ATP11B: variants seen among roughly 807,000 people sequenced by gnomAD.
ATP11B encodes the protein ATPase phospholipid transporting 11B (putative), also known as phospholipid-transporting ATPase IF.
A neutral mutation model predicts 157.8 loss-of-function variants in ATP11B; 81 were observed. The ratio of observed to expected loss-of-function variants is 0.51; its 90% CI spans 0.43 to 0.62. The LOEUF is 0.62. Ranked by LOEUF, ATP11B falls within the 20% of genes least tolerant of loss-of-function variation. The pLI is 0.00. For missense variants in ATP11B, 1,165 were observed against 1,402.2 expected, an observed-to-expected ratio of 0.83 and a Z score of 2.70; for synonymous variants, 451 against 469.4, an observed-to-expected ratio of 0.96 and a Z score of 0.51.
intron 21 of ATP11B, among the ~76,000 whole-genome samples, chr3:182,881,876 T>C (rs1722451237): frequency 6.6e-6 from 1 of 152,330 alleles, no homozygotes; most frequent in South Asian, 2.1e-4. Flanking sequence ...CAGGAAATTG[T>C]ACTAAACTGC....
Position 182,793,697 on chromosome 3 carries a change from G to C in ATP11B, c.-63G>C, listed in dbSNP as rs942984211. The C allele has an allele frequency of 2.0e-5, 24 of 1,224,964 alleles. No homozygotes were observed. The highest frequency in any genetic ancestry group is 2.5e-5 in the Non-Finnish European group (23 of 912,790). 75.9% of individuals were successfully genotyped at this position (1,224,964 alleles called of 1,614,324 possible). A position where few individuals can be genotyped will look rare whatever the true frequency, so the allele number is the denominator to read the frequency against. ...CGCCCGCTCCCGCCTCTGTCTTGTC[G>C]GCCTCCACCTGCAGCCCCGCGGCCC... On this transcript the variant is annotated 5_prime_UTR_variant, in exon 1 of 30. Transcript: ENST00000323116.
chr3:182,905,947 A>C (rs551114289), intron 28 of ATP11B: 30 of 451,178 alleles, frequency 6.6e-5, no homozygotes, highest in South Asian at 3.9e-4. Context: ...CTTCCCGGGC[A>C]CTCATCCGCT....
chr3:182,828,780 AT>A (rs1402484088), intron 3 of ATP11B, among the ~76,000 whole-genome samples: 1 of 151,816 alleles, frequency 6.6e-6, no homozygotes, highest in Non-Finnish European at 1.5e-5. Flanking sequence ...GCTTAAAAAA[AT>A]TATATATGTA....
Position 182,793,509 on chromosome 3 carries a change from T to A in ATP11B, c.-251T>A. 1 of 340,442 alleles carries A rather than the reference T, an allele frequency of 2.9e-6. No individual in the cohort carries two copies. The highest frequency in any genetic ancestry group is 2.2e-5 in the African/African-American group (1 of 45,488). The allele number at this position is 340,442 out of a possible 1,614,324, so 21.1% of individuals were successfully genotyped here. On this transcript the variant is annotated 5_prime_UTR_variant, in exon 1 of 30. It removes an upstream start codon present in the reference 5' UTR. Coordinates refer to ENST00000323116, the MANE Select transcript of ATP11B (RefSeq NM_014616.3). ...TGCTTTGGGTGACAACGGTCAATAA[T>A]GAAGGTGGCTGCGGCGCGGCGGCAG...
At chr3:182,797,224 TCTTAA>T (rs994889936) in intron 1 of ATP11B, among the ~76,000 whole-genome samples, 2 of 152,226 alleles carry the variant, frequency 1.3e-5, no homozygotes, top group Non-Finnish European at 1.5e-5. Flanking sequence ...TTACTTTTTC[TCTTAA>T]CTTGTGAACA....
At position 182,839,705 on chromosome 3, in the gene ATP11B, G is replaced by A. The variant is rs111740682; in HGVS notation, c.657-2370G>A. Among the ~76,000 whole-genome samples, 774 of 152,118 alleles carry A rather than the reference G, an allele frequency of 5.1e-3. 4 individuals carry two copies. The highest frequency in any genetic ancestry group is 9.1e-3 in the Non-Finnish European group (618 of 67,998). ...GCTCACTGCAACCCCCGGACTCCCG[G>A]GTTCAAGCAATTCTCCTGCCTTAGC... On this transcript the variant is annotated intron_variant, in intron 7 of 29. Transcript: ENST00000323116.
At position 182,866,297 on chromosome 3, in the gene ATP11B, A is replaced by G. The variant is rs1441186826; in HGVS notation, c.1473A>G (p.Ala491=). The change falls in exon 14 of 30, where the codon GCA becomes GCG. Residue 491 remains alanine (A), a synonymous_variant. Transcript: ENST00000323116. The part of the protein sequence containing the change: ...LIKEHDLFFK[A]VSLCHTVQIS... ...AAGAACATGATCTCTTCTTTAAAGC[A>G]GTCAGTCTCTGTCACACTGTACAGA... The G allele has an allele frequency of 6.3e-7, 1 of 1,594,568 alleles. No homozygotes were observed. Among genetic ancestry groups the G allele is most frequent in the South Asian group, 1.1e-5 (1 of 87,912 alleles).
At chr3:182,852,485 A>G (rs1334178677) in intron 10 of ATP11B, among the ~76,000 whole-genome samples, 2 of 152,228 alleles carry the variant, frequency 1.3e-5, no homozygotes, top group Non-Finnish European at 2.9e-5. Context: ...TTTAGATGAA[A>G]TGGGCAGATT....
intron 28 of ATP11B, among the ~76,000 whole-genome samples, chr3:182,904,205 C>T (rs750459255): frequency 1.3e-5 from 2 of 152,186 alleles, no homozygotes; most frequent in Non-Finnish European, 2.9e-5. Flanking sequence ...GTCACTTCAC[C>T]TCTGGGCCTC....
chr3:182,834,640 TG>T (rs1273165810), intron 4 of ATP11B, among the ~76,000 whole-genome samples: 1 of 152,236 alleles, frequency 6.6e-6, no homozygotes. Context: ...TTTCTTAAAA[TG>T]GCATAGGAAG....
At chr3:182,892,222 A>G (rs928636372) in intron 25 of ATP11B, among the ~76,000 whole-genome samples, 4 of 152,078 alleles carry the variant, frequency 2.6e-5, no homozygotes, top group Non-Finnish European at 5.9e-5. Flanking sequence ...ACCACCACCT[A>G]TTCTTCGCAG....
chr3:182,910,073 GAAAAAAA>G (rs34483660), intron 28 of ATP11B, among the ~76,000 whole-genome samples: 177 of 63,408 alleles, frequency 2.8e-3, no homozygotes, highest in African/African-American at 7.7e-3. Flanking sequence ...TCGGCCTCCA[GAAAAAAA>G]AAAAAAAAAA....
At chr3:182,893,478 A>G (rs1225374291) in intron 25 of ATP11B, among the ~76,000 whole-genome samples, 2 of 152,298 alleles carry the variant, frequency 1.3e-5, no homozygotes, top group African/African-American at 4.8e-5. Flanking sequence ...ACTTACAATA[A>G]TGGTCTCCAA....
At chr3:182,818,625 G>A (rs1464759550) in intron 1 of ATP11B, among the ~76,000 whole-genome samples, 2 of 152,114 alleles carry the variant, frequency 1.3e-5, no homozygotes, top group Non-Finnish European at 2.9e-5. Context: ...TTAAAACCAA[G>A]AATAATAACA....
At chr3:182,878,562 A>T (rs1283833242) in intron 19 of ATP11B, among the ~76,000 whole-genome samples, 2 of 152,248 alleles carry the variant, frequency 1.3e-5, no homozygotes, top group Non-Finnish European at 2.9e-5. Flanking sequence ...GTTGATTTAC[A>T]TTCTGGTGTA....
rs565017010 is a variant in ATP11B, at chr3:182,872,042, C to T, written c.1867-314C>T. 2.8e-3 allele frequency among the ~76,000 whole-genome samples: 421 copies of T among 152,282 alleles called. 1 individual carries two copies. Among genetic ancestry groups the T allele is most frequent in the Non-Finnish European group, 4.4e-3 (300 of 68,014 alleles). ...ATGTTAGCCAGGATGGTCTCGATCT[C>T]CTGACCTCATGATCCGCCTGCCTTG... On this transcript the variant is annotated intron_variant, in intron 17 of 29. Transcript: ENST00000323116.
At chr3:182,886,840 T>G (rs1482241208) in intron 23 of ATP11B, among the ~76,000 whole-genome samples, 1 of 152,200 alleles carries the variant, frequency 6.6e-6, no homozygotes, top group Non-Finnish European at 1.5e-5. Context: ...AATTGCTGTT[T>G]TATCCTGTTT....
chr3:182,869,605 G>T (rs890707161), intron 17 of ATP11B, among the ~76,000 whole-genome samples: 3 of 152,142 alleles, frequency 2.0e-5, no homozygotes, highest in African/African-American at 7.2e-5. Context: ...AAACATAGGG[G>T]AATCCTAATG....
chr3:182,914,465 G>A (rs1257823859), intron 29 of ATP11B: 1 of 985,052 alleles, frequency 1.0e-6, no homozygotes, highest in Non-Finnish European at 1.2e-6. Context: ...TTGAGGCTTT[G>A]AGGTATTTAT....
Sources: allele counts gnomAD v4.1 joint callset (sites outside exome capture counted in the v4.1 genomes callset), GRCh38; gene constraint gnomAD v4.1.1; transcripts MANE v1.5; gene names NCBI Gene and HGNC (gene_info 2026-07-23, HGNC 2026-07-21).